The following ZNF664 variants were observed in gnomAD, a reference collection of about 807,000 sequenced individuals.
ZNF664 encodes zinc finger Organ of Corti 1.
ZNF664 carries 10 observed loss-of-function variants against 18.2 expected under a neutral mutation model. The observed-to-expected ratio is 0.55, with a 90% CI of 0.34 to 0.93. The LOEUF is 0.93. Ranked by LOEUF, ZNF664 falls within the 40% of genes least tolerant of loss-of-function variation. The pLI is 0.02. For missense variants in ZNF664, 193 were observed against 319.0 expected (o/e 0.61, Z 3.01); for synonymous variants, 119 against 104.2 (o/e 1.14, Z -0.86).
intron 3 of ZNF664, among the ~76,000 whole-genome samples, chr12:123,993,495 G>GTATCTA (rs1245425770): frequency 6.6e-6 from 1 of 152,160 alleles, no homozygotes; most frequent in Non-Finnish European, 1.5e-5. Context: ...TGTAACTTGA[G>GTATCTA]TATCTAAGTC....
chr12:123,973,745 G>A (rs999561677), intron 1 of ZNF664, 141 bp from the exon 2 acceptor site: 1 of 1,216,630 alleles, frequency 8.2e-7, no homozygotes, highest in Non-Finnish European at 1.0e-6. Flanking sequence ...GGGGAGCGCT[G>A]CCGCCCTCGT....
At chr12:123,988,182 C>T in intron 3 of ZNF664, 44 bp downstream of exon 3, 1 of 1,230,524 alleles carries the variant, frequency 8.1e-7, no homozygotes, top group East Asian at 3.2e-5. Context: ...GATGGAGAAT[C>T]CCCCTTGAGT....
Position 124,013,138 on chromosome 12 carries a change from A to G in ZNF664, c.*208A>G. The G allele has an allele frequency of 1.4e-6, 1 of 691,502 alleles. No homozygotes were observed. The highest frequency in any genetic ancestry group is 2.4e-6 in the Non-Finnish European group (1 of 420,702). The allele number at this position is 691,502 out of a possible 1,614,324, so 42.8% of individuals were successfully genotyped here. ...AATGTGGACCTCTGAGCATCCACGC[A>G]GGATGGCTCTCAGGTCCCAGTCACA... is the stretch of plus-strand genomic sequence containing the variant. On this transcript the variant is annotated 3_prime_UTR_variant, in exon 5 of 5. Coordinates refer to ENST00000337815, the MANE Select transcript of ZNF664 (RefSeq NM_152437.3).
At chr12:123,975,347 T>C (rs1956675897) in intron 2 of ZNF664, among the ~76,000 whole-genome samples, 1 of 152,000 alleles carries the variant, frequency 6.6e-6, no homozygotes. Context: ...TATCAAGTAC[T>C]GACAATACAT....
chr12:123,994,106 C>G (rs1956919402), intron 3 of ZNF664, among the ~76,000 whole-genome samples: 1 of 152,056 alleles, frequency 6.6e-6, no homozygotes, highest in Admixed American at 6.6e-5. Flanking sequence ...TTTTGGAGGA[C>G]TTTGGGGGGC....
chr12:123,996,863 T>TATACAAAACCCCC (rs1956954412), intron 3 of ZNF664, among the ~76,000 whole-genome samples: 1 of 152,174 alleles, frequency 6.6e-6, no homozygotes, highest in African/African-American at 2.4e-5. Context: ...ATATGTATTA[T>TATACAAAACCCCC]ATACAAAACC....
intron 2 of ZNF664, among the ~76,000 whole-genome samples, chr12:123,976,272 TA>T (rs1187858855): frequency 1.3e-5 from 2 of 152,182 alleles, no homozygotes; most frequent in African/African-American, 4.8e-5. Context: ...AGAAGGGGCC[TA>T]GGAAAGACTT....
chr12:123,987,443 G>C (rs1283708879), intron 2 of ZNF664, among the ~76,000 whole-genome samples: 1 of 152,208 alleles, frequency 6.6e-6, no homozygotes, highest in Non-Finnish European at 1.5e-5. Flanking sequence ...TTGAGCCCTT[G>C]AAATTTGCCA....
chr12:123,990,350 CT>C (rs973231485), intron 3 of ZNF664, among the ~76,000 whole-genome samples: 5 of 152,228 alleles, frequency 3.3e-5, no homozygotes, highest in African/African-American at 1.2e-4. Flanking sequence ...TTTTGACCCC[CT>C]AACTACTGTT....
intron 3 of ZNF664, among the ~76,000 whole-genome samples, chr12:124,010,315 G>A (rs1307248401): frequency 1.3e-5 from 2 of 152,268 alleles, no homozygotes; most frequent in Non-Finnish European, 2.9e-5. Context: ...CATATTAAAA[G>A]TGTTACTTTA....
At chr12:123,997,461 G>A (rs952752718) in intron 3 of ZNF664, among the ~76,000 whole-genome samples, 1 of 152,204 alleles carries the variant, frequency 6.6e-6, no homozygotes, top group African/African-American at 2.4e-5. Context: ...CTTTACAGGA[G>A]AATCCTTTGC....
rs185193900 is a variant in ZNF664 at position 124,004,970 on chromosome 12, T to C, written c.-660-6411T>C. The C allele has an allele frequency of 8.8e-3, 1,390 of 157,618 alleles. 52 individuals are homozygous for C. Among genetic ancestry groups the C allele is most frequent in the Admixed American group, 0.03 (467 of 15,470 alleles). The allele number at this position is 157,618 out of a possible 1,614,324, so 9.8% of individuals were successfully genotyped here. On this transcript the variant is annotated intron_variant, in intron 3 of 4. Coordinates refer to ENST00000337815, the MANE Select transcript of ZNF664 (RefSeq NM_152437.3). ...ATAATTATTTCATTATATATTACAA[T>C]GTAATAATAATAGAAATAAAGTGCA... is the stretch of plus-strand genomic sequence containing the variant.
At position 123,973,343 on chromosome 12, in the gene ZNF664, C is replaced by T. The variant is rs1395998160; in HGVS notation, c.-901C>T. The T allele has an allele frequency of 3.5e-5, 33 of 944,440 alleles. No individual in the cohort carries two copies. The highest frequency in any genetic ancestry group is 4.0e-5 in the Non-Finnish European group (32 of 800,024). 58.5% of individuals were successfully genotyped at this position (944,440 alleles called of 1,614,324 possible). A position where few individuals can be genotyped will look rare whatever the true frequency, so the allele number is the denominator to read the frequency against. The stretch of plus-strand genomic sequence containing the variant: ...CCCGCGGCCTGGGGCGCTGACTCCC[C>T]TCACTTGGAGTGAGTTCTCGGCGGC... On this transcript the variant is annotated 5_prime_UTR_variant, in exon 1 of 5. Coordinates refer to ENST00000337815, the MANE Select transcript of ZNF664 (RefSeq NM_152437.3).
intron 3 of ZNF664, among the ~76,000 whole-genome samples, chr12:124,010,925 T>C (rs1957129031): frequency 6.6e-6 from 1 of 151,960 alleles, no homozygotes; most frequent in Non-Finnish European, 1.5e-5. Flanking sequence ...AGGAAACGCT[T>C]AGGGTGTTTG....
At chr12:123,990,905 C>T (rs1386470825) in intron 3 of ZNF664, among the ~76,000 whole-genome samples, 1 of 152,158 alleles carries the variant, frequency 6.6e-6, no homozygotes, top group Admixed American at 6.5e-5. Context: ...TCTGTTACCT[C>T]ATCGGTGTTC....
intron 2 of ZNF664, among the ~76,000 whole-genome samples, chr12:123,982,782 T>A (rs1476431408): frequency 6.6e-6 from 1 of 152,162 alleles, no homozygotes; most frequent in African/African-American, 2.4e-5. Context: ...GAGCAGTAGT[T>A]TCAAACGGCC....
At chr12:123,976,235 AAGG>A (rs1956690208) in intron 2 of ZNF664, among the ~76,000 whole-genome samples, 1 of 152,228 alleles carries the variant, frequency 6.6e-6, no homozygotes, top group Admixed American at 6.5e-5. Context: ...GAGTATAAAA[AAGG>A]GGAGACCAAA....
chr12:123,975,629 A>C (rs1431683969), intron 2 of ZNF664, among the ~76,000 whole-genome samples: 1 of 152,124 alleles, frequency 6.6e-6, no homozygotes, highest in Non-Finnish European at 1.5e-5. Flanking sequence ...GGCTCTTACT[A>C]TCTTGCCCCA....
intron 3 of ZNF664, among the ~76,000 whole-genome samples, chr12:123,995,248 AT>A (rs1164300629): frequency 1.3e-5 from 2 of 152,226 alleles, no homozygotes; most frequent in East Asian, 3.8e-4. Context: ...TTTAAAAAAA[AT>A]AGTTTACAGA....
Sources: gnomAD v4.1 joint callset for allele counts (sites outside exome capture counted in the v4.1 genomes callset) on GRCh38, gnomAD v4.1.1 for gene constraint, MANE v1.5 for transcripts, NCBI Gene and HGNC (gene_info 2026-07-23, HGNC 2026-07-21) for gene names.